The following USP24 variants were observed in gnomAD, a reference collection of about 807,000 sequenced individuals.
USP24 encodes ubiquitin carboxyl-terminal hydrolase 24.
A neutral mutation model predicts 361.6 loss-of-function variants in USP24; 97 were observed. The ratio of observed to expected loss-of-function variants is 0.27; its 90% CI spans 0.23 to 0.32. USP24 has a LOEUF of 0.32. USP24 is among the 10% of genes least tolerant of loss of function. The probability of loss-of-function intolerance (pLI) is 1.00; values close to 1 mark genes in which losing one functional copy is unlikely to be tolerated. For missense variants in USP24, 2,353 were observed against 3,165.6 expected (o/e 0.74, Z 6.16); for synonymous variants, 1,098 against 1,124.6 (o/e 0.98, Z 0.47).
intron 55 of USP24, among the ~76,000 whole-genome samples, chr1:55,087,514 T>C (rs1645277964): frequency 6.6e-6 from 1 of 152,190 alleles, no homozygotes; most frequent in South Asian, 2.1e-4. Flanking sequence ...AGGAGTCCCG[T>C]TGGAAAGATA....
Position 55,104,028 on chromosome 1 carries a change from CA to C in USP24, c.4881-9del, listed in dbSNP as rs760124940. 2.5e-6 allele frequency: 4 copies of C among 1,593,738 alleles called. No individual in the cohort carries two copies. In the East Asian group the frequency reaches 9.0e-5, roughly 36 times the overall value. On this transcript the variant is annotated splice_polypyrimidine_tract_variant and intron_variant, in intron 41 of 67. Transcript: ENST00000294383. ...CTATTCGCTGTACTACACCTAGAAA[CA>C]AAAGACACAAGTCAATTTCAACAAT... is the stretch of plus-strand genomic sequence containing the variant.
In USP24 at chr1:55,143,143, A is replaced by G. The variant is rs1570527772; in HGVS notation, c.2440-24T>C. 20 of 1,447,336 alleles carry G rather than the reference A, an allele frequency of 1.4e-5. No individual in the cohort carries two copies. The East Asian group carries it at 5.0e-4, about 36-fold the overall frequency. The allele number at this position is 1,447,336 out of a possible 1,614,324, so 89.7% of individuals were successfully genotyped here. On this transcript the variant is annotated intron_variant, in intron 21 of 67. Transcript: ENST00000294383. The stretch of plus-strand genomic sequence containing the variant: ...TACTGTTCAAAAGAAAAAAAATTAA[A>G]TTATAAAGCATATCAAGATCACAAA...
At position 55,132,663 on chromosome 1, in the gene USP24, T is replaced by C. The variant is rs1484532948; in HGVS notation, c.3419A>G (p.Lys1140Arg). 6.2e-7 allele frequency: 1 copy of C among 1,613,592 alleles called. No homozygotes were observed. Among genetic ancestry groups the C allele is most frequent in the Admixed American group, 1.7e-5 (1 of 59,930 alleles). Residue 1140 changes from lysine to arginine, a missense_variant, in exon 31 of 68, where the codon AAA becomes AGA. Coordinates refer to ENST00000294383, the MANE Select transcript of USP24 (RefSeq NM_015306.3). ...TTGCTTTGATGACAGGGATGGAGAT[T>C]TTGAGGACTGAGAACTTGATTCAGA... ...LLSESSSQSS[K>R]SPSLSSKQQH...
chr1:55,192,787 G>C (rs781543656), intron 1 of USP24, among the ~76,000 whole-genome samples: 1 of 152,192 alleles, frequency 6.6e-6, no homozygotes, highest in African/African-American at 2.4e-5. Flanking sequence ...TGATAAACAA[G>C]TAAGTGTATG....
intron 8 of USP24, among the ~76,000 whole-genome samples, chr1:55,160,586 T>C (rs187150979): frequency 1.3e-5 from 2 of 152,320 alleles, no homozygotes; most frequent in East Asian, 3.9e-4. Flanking sequence ...ATGTATTATA[T>C]GAGTTTATTG....
At chr1:55,135,209 T>C (rs1307601117) in intron 28 of USP24, among the ~76,000 whole-genome samples, 3 of 152,158 alleles carry the variant, frequency 2.0e-5, no homozygotes, top group Admixed American at 1.3e-4. Context: ...GGTCTTGAAC[T>C]CCTGGCCTCC....
At chr1:55,174,784 A>G (rs1649790210) in intron 3 of USP24, among the ~76,000 whole-genome samples, 1 of 150,364 alleles carries the variant, frequency 6.7e-6, no homozygotes, top group Non-Finnish European at 1.5e-5. Context: ...CAATTTTGCT[A>G]TTTTTATTTT....
At chr1:55,130,332 T>C (rs1646555886) in intron 31 of USP24, among the ~76,000 whole-genome samples, 1 of 152,232 alleles carries the variant, frequency 6.6e-6, no homozygotes, top group African/African-American at 2.4e-5. Context: ...ACATAGTAGT[T>C]GCCTTTACAG....
intron 63 of USP24, 134 bp from the exon 64 acceptor site, chr1:55,074,040 C>T (rs1278092640): frequency 5.2e-6 from 3 of 576,444 alleles, no homozygotes; most frequent in Non-Finnish European, 8.8e-6. Flanking sequence ...TAACTAAAAG[C>T]ATGGTGGTGC....
intron 5 of USP24, among the ~76,000 whole-genome samples, chr1:55,169,380 G>C (rs1649219861): frequency 6.6e-6 from 1 of 151,982 alleles, no homozygotes; most frequent in Non-Finnish European, 1.5e-5. Flanking sequence ...CAGAAGAAGA[G>C]AGACTAATGG....
At chr1:55,197,142 A>G (rs1181639905) in intron 1 of USP24, among the ~76,000 whole-genome samples, 2 of 152,200 alleles carry the variant, frequency 1.3e-5, no homozygotes, top group East Asian at 3.8e-4. Context: ...TCAGATAACC[A>G]CAGTTGGCTT....
At chr1:55,186,367 G>C (rs1350031649) in intron 1 of USP24, among the ~76,000 whole-genome samples, 2 of 152,058 alleles carry the variant, frequency 1.3e-5, no homozygotes, top group African/African-American at 4.8e-5. Flanking sequence ...ACACTATGGA[G>C]GTTTCTCAAA....
At chr1:55,074,318 C>G (rs905405293) in intron 63 of USP24, among the ~76,000 whole-genome samples, 5 of 152,094 alleles carry the variant, frequency 3.3e-5, no homozygotes, top group Admixed American at 1.3e-4. Context: ...GCAATTATCA[C>G]CTGCTCTATG....
chr1:55,067,370 C>T lies in USP24; in HGVS notation c.*1675G>A, dbSNP rs192726746. 1.8e-4 allele frequency: 27 copies of T among 152,334 alleles called. No individual in the cohort carries two copies. The highest frequency in any genetic ancestry group is 2.5e-4 in the Non-Finnish European group (17 of 68,028). The allele number at this position is 152,334 out of a possible 1,614,324, so 9.4% of individuals were successfully genotyped here. A position where few individuals can be genotyped will look rare whatever the true frequency, so the allele number is the denominator to read the frequency against. ...ATTTCAAACTGCAAGACCATTGGAA[C>T]CGTCTGAAGTTTGCCACTCGCCTCT... is the stretch of plus-strand genomic sequence containing the variant. On this transcript the variant is annotated 3_prime_UTR_variant, in exon 68 of 68. Coordinates refer to ENST00000294383, the MANE Select transcript of USP24 (RefSeq NM_015306.3).
At chr1:55,172,257 T>A in intron 4 of USP24, 120 bp downstream of exon 4, 1 of 979,390 alleles carries the variant, frequency 1.0e-6, no homozygotes. Flanking sequence ...CAAAGGATCC[T>A]AACAGCTAAT....
chr1:55,196,309 C>T (rs1337546838), intron 1 of USP24, among the ~76,000 whole-genome samples: 1 of 152,146 alleles, frequency 6.6e-6, no homozygotes, highest in Non-Finnish European at 1.5e-5. Flanking sequence ...CCTTGGTGAC[C>T]TCAGTGAGTT....
rs1645537963 is a variant in USP24 at position 55,098,096 on chromosome 1, A to T, written c.5454-12T>A. On this transcript the variant is annotated splice_polypyrimidine_tract_variant and intron_variant, in intron 46 of 67. Coordinates refer to ENST00000294383, the MANE Select transcript of USP24 (RefSeq NM_015306.3). The stretch of plus-strand genomic sequence containing the variant: ...CTTCACGCTCATATCTGATTAGGAA[A>T]TAACAGAAAACCCACAATCAACAAT... 1 of 1,583,400 alleles carries T rather than the reference A, an allele frequency of 6.3e-7. No homozygotes were observed. The highest frequency in any genetic ancestry group is 8.6e-7 in the Non-Finnish European group (1 of 1,169,310).
intron 62 of USP24, among the ~76,000 whole-genome samples, chr1:55,076,691 A>C (rs780471254): frequency 1.3e-5 from 2 of 151,470 alleles, no homozygotes; most frequent in African/African-American, 2.4e-5. Context: ...ATCCTTCTTT[A>C]CTCCATCCTT....
intron 44 of USP24, 55 bp downstream of exon 44, chr1:55,100,784 G>C: frequency 1.3e-6 from 2 of 1,518,568 alleles, no homozygotes; most frequent in Non-Finnish European, 1.8e-6. Context: ...ATTAGAGAAA[G>C]AATGTAGCCA....
Sources: gnomAD v4.1 joint callset for allele counts (sites outside exome capture counted in the v4.1 genomes callset) on GRCh38, gnomAD v4.1.1 for gene constraint, MANE v1.5 for transcripts, NCBI Gene and HGNC (gene_info 2026-07-23, HGNC 2026-07-21) for gene names.